The following CMPK2 variants were observed in gnomAD, a reference collection of about 807,000 sequenced individuals.
CMPK2 encodes UMP-CMP kinase 2, mitochondrial.
In CMPK2, 32 loss-of-function variants were observed where a neutral mutation model predicts 33.4. The observed-to-expected ratio is 0.96, with a 90% CI of 0.72 to 1.29. CMPK2 has a LOEUF of 1.29. Among genes scored for constraint, CMPK2 ranks in the 50% most tolerant of loss-of-function variants. The pLI, the probability that CMPK2 is intolerant of heterozygous loss-of-function variation, is 0.00. For missense variants in CMPK2, 672 were observed against 616.0 expected, an observed-to-expected ratio of 1.09 and a Z score of -0.96; for synonymous variants, 299 against 275.3, an observed-to-expected ratio of 1.09 and a Z score of -0.85.
At chr2:6,843,304 G>A (rs1169321303) in intron 3 of CMPK2, among the ~76,000 whole-genome samples, 3 of 152,172 alleles carry the variant, frequency 2.0e-5, no homozygotes, top group Non-Finnish European at 4.4e-5. Flanking sequence ...CAAACCACTG[G>A]ATGGATTGGA....
At chr2:6,863,248 C>T (rs1359007437) in intron 2 of CMPK2, among the ~76,000 whole-genome samples, 5 of 152,154 alleles carry the variant, frequency 3.3e-5, no homozygotes, top group Non-Finnish European at 7.4e-5. Context: ...CTGTGTTCCG[C>T]CAGAGCACTG....
intron 4 of CMPK2, among the ~76,000 whole-genome samples, 187 bp from the exon 5 acceptor site, chr2:6,850,160 T>C (rs768107038): frequency 7.2e-5 from 11 of 152,220 alleles, no homozygotes; most frequent in Non-Finnish European, 1.5e-4. Context: ...TGAATAATAA[T>C]GTTTAATAGC....
rs1032083814 is a variant in CMPK2, at chr2:6,851,660, T to C, written c.1016A>G (p.Tyr339Cys). 1.2e-6 allele frequency: 2 copies of C among 1,614,150 alleles called. No individual in the cohort carries two copies. Among genetic ancestry groups the C allele is most frequent in the Admixed American group, 1.7e-5 (1 of 60,030 alleles). Residue 339 changes from tyrosine (Y) to cysteine (C), a missense_variant, in exon 4 of 5, where the codon TAT becomes TGT. By Grantham distance (194) the Tyr-to-Cys change is radical. Coordinates refer to ENST00000256722, the MANE Select transcript of CMPK2 (RefSeq NM_207315.4). ...CCCACTCACCTCAGTGGCTATGGCA[T>C]AGGTGGCCGTGCTGTGCCAGTACCT... ...VDRYWHSTAT[Y>C]AIATEVSGGL...
At chr2:6,851,100 G>A (rs1427631764) in intron 4 of CMPK2, 1 of 1,121,618 alleles carries the variant, frequency 8.9e-7, no homozygotes, top group African/African-American at 1.6e-5. Flanking sequence ...CTAATAGGTA[G>A]ATGTTACTAT....
chr2:6,851,244 C>T (rs1217816401), intron 4 of CMPK2: 18 of 1,382,042 alleles, frequency 1.3e-5, no homozygotes, highest in Admixed American at 5.6e-5. Context: ...ATCCCTAGTC[C>T]GATGACCTTT....
In CMPK2 at chr2:6,865,180, ACAGCTGGCCGCG is replaced by A. The variant is rs1317591243; in HGVS notation, c.505_516del (p.Arg169_Leu172del). On this transcript the variant is annotated inframe_deletion, in exon 1 of 5. Coordinates refer to ENST00000256722, the MANE Select transcript of CMPK2 (RefSeq NM_207315.4). ...TCTTGCACCTCCCAGAGGCGCTGCC[ACAGCTGGCCGCG>A]CGGGTCGGCCTCGAACTCGCCCAAG... 1 of 1,534,796 alleles carries A rather than the reference ACAGCTGGCCGCG, an allele frequency of 6.5e-7. No individual in the cohort carries two copies. The highest frequency in any genetic ancestry group is 8.7e-7 in the Non-Finnish European group (1 of 1,143,476).
At chr2:6,866,128 G>GGA (rs1387021185), upstream of CMPK2, 2 of 217,508 alleles carry the variant, frequency 9.2e-6, no homozygotes, top group African/African-American at 4.7e-5. Context: ...CCGGGTGCAT[G>GGA]GAGGGGGGCG....
chr2:6,850,458 G>T (rs964700930), intron 4 of CMPK2, among the ~76,000 whole-genome samples: 2 of 152,268 alleles, frequency 1.3e-5, no homozygotes, highest in Admixed American at 6.5e-5. Flanking sequence ...GCCTTCATGT[G>T]TATACAGAGT....
intron 4 of CMPK2, chr2:6,851,058 C>G: frequency 7.5e-6 from 8 of 1,060,676 alleles, no homozygotes; most frequent in Non-Finnish European, 9.2e-6. Context: ...GATGACATAA[C>G]ATCAGTAAAA....
chr2:6,848,346 A>G lies in CMPK2; in HGVS notation c.*1504T>C. ...TAGTAAACCACAGCAAAGTTTATTCATGTGCCAGGGACATAAAGATACATT... is the reference window on the plus strand; with the variant it reads ...TAGTAAACCACAGCAAAGTTTATTCGTGTGCCAGGGACATAAAGATACATT... On this transcript the variant is annotated 3_prime_UTR_variant, in exon 5 of 5. Transcript: ENST00000256722. 3 of 985,108 alleles carry G rather than the reference A, an allele frequency of 3.0e-6. No individual in the cohort carries two copies. The highest frequency in any genetic ancestry group is 3.6e-6 in the Non-Finnish European group (3 of 829,598). The allele number at this position is 985,108 out of a possible 1,614,324, so 61.0% of individuals were successfully genotyped here.
In CMPK2 at chr2:6,861,224, T is replaced by C; in HGVS notation, c.952A>G (p.Ile318Val). ...GGAGATTTGGCAGATTCTTTAGCTA[T>C]TTCGGAGGCCACAATATAATTGCCC... The part of the protein sequence containing the change: ...SLGNYIVASE[I>V]AKESAKSPVI... Residue 318 changes from isoleucine to valine, a missense_variant, in exon 3 of 5, where the codon ATA (isoleucine) becomes GTA (valine). Transcript: ENST00000256722. 5.0e-6 allele frequency: 8 copies of C among 1,614,170 alleles called. No homozygotes were observed. Among genetic ancestry groups the C allele is most frequent in the Non-Finnish European group, 6.8e-6 (8 of 1,180,024 alleles).
chr2:6,865,498 C>T lies in CMPK2; in HGVS notation c.199G>A (p.Gly67Arg). 1.6e-6 allele frequency: 2 copies of T among 1,270,324 alleles called. No homozygotes were observed. The highest frequency in any genetic ancestry group is 3.3e-5 in the East Asian group (1 of 30,682). The allele number at this position is 1,270,324 out of a possible 1,614,324, so 78.7% of individuals were successfully genotyped here. Residue 67 changes from glycine (G) to arginine (R), a missense_variant, in exon 1 of 5, where the codon GGG becomes AGG. By Grantham distance (125) the Gly-to-Arg change is moderately radical (BLOSUM62 -2). Coordinates refer to ENST00000256722, the MANE Select transcript of CMPK2 (RefSeq NM_207315.4). ...APDPRLAALL[G>R]PPERSYSLCV... ...AGCGAGTAGCTGCGCTCCGGGGGCC[C>T]CAGCAGCGCCGCCAGGCGGGGGTCG... is the stretch of plus-strand genomic sequence containing the variant.
At position 6,861,315 on chromosome 2, in the gene CMPK2, G is replaced by A. The variant is rs369758344; in HGVS notation, c.861C>T (p.Cys287=). ...KAVLLKSPPS[C]IGQWRKIFDD... is the part of the protein sequence containing the mutation. Reference sequence around the variant, plus strand: ...CAAAGATCTTCCTCCACTGGCCAATGCAAGAGGGTGGTGACTTTAAGAGGA... The same window carrying A: ...CAAAGATCTTCCTCCACTGGCCAATACAAGAGGGTGGTGACTTTAAGAGGA... The change falls in exon 3 of 5, where the codon TGC becomes TGT. Residue 287 remains cysteine, a synonymous_variant. Coordinates refer to ENST00000256722, the MANE Select transcript of CMPK2 (RefSeq NM_207315.4). 7.4e-6 allele frequency: 12 copies of A among 1,614,022 alleles called. No homozygotes were observed. Among genetic ancestry groups the A allele is most frequent in the Non-Finnish European group, 1.0e-5 (12 of 1,180,016 alleles).
chr2:6,848,842 G>C lies in CMPK2; in HGVS notation c.*1008C>G. On this transcript the variant is annotated 3_prime_UTR_variant, in exon 5 of 5. Transcript: ENST00000256722. ...TCAAAGCGATTTCATATGTAATCAT[G>C]AGACATTCAAGTGCAAGATAATTTA... is the stretch of plus-strand genomic sequence containing the variant. The C allele has an allele frequency of 1.0e-6, 1 of 985,784 alleles. No individual in the cohort carries two copies. Among genetic ancestry groups the C allele is most frequent in the Non-Finnish European group, 1.2e-6 (1 of 829,898 alleles). The allele number at this position is 985,784 out of a possible 1,614,324, so 61.1% of individuals were successfully genotyped here.
At chr2:6,854,227 T>C (rs1462986671) in intron 3 of CMPK2, among the ~76,000 whole-genome samples, 1 of 152,218 alleles carries the variant, frequency 6.6e-6, no homozygotes, top group Non-Finnish European at 1.5e-5. Flanking sequence ...AATACCTACC[T>C]ATGAATATAG....
chr2:6,855,759 C>T (rs539969367), intron 3 of CMPK2, among the ~76,000 whole-genome samples: 94 of 152,290 alleles, frequency 6.2e-4, no homozygotes, highest in African/African-American at 2.2e-3. Context: ...GCAGCCACAG[C>T]CTTCTAGCTG....
At chr2:6,859,630 A>G (rs1662815058) in intron 3 of CMPK2, among the ~76,000 whole-genome samples, 1 of 152,234 alleles carries the variant, frequency 6.6e-6, no homozygotes, top group African/African-American at 2.4e-5. Flanking sequence ...ACAGGTACAC[A>G]GAAGTCAAGA....
intron 3 of CMPK2, among the ~76,000 whole-genome samples, chr2:6,852,393 A>G (rs567165699): frequency 6.6e-6 from 1 of 152,324 alleles, no homozygotes; most frequent in South Asian, 2.1e-4. Context: ...ACCTACAGGA[A>G]ATGCTTGGTC....
chr2:6,855,342 CCTCT>C lies in CMPK2; in HGVS notation c.993-3663_993-3660del, dbSNP rs772703913. Among the ~76,000 whole-genome samples, 466 of 147,326 alleles carry C rather than the reference CCTCT, an allele frequency of 3.2e-3. 2 individuals carry two copies. The highest frequency in any genetic ancestry group is 0.025 in the Middle Eastern group (7 of 280). The stretch of plus-strand genomic sequence containing the variant: ...GCCTCTGCCCCTGCCCCTGCCCCTG[CCTCT>C]CTCTCTCTCTCTCCTGTTGCCATTG... On this transcript the variant is annotated intron_variant, in intron 3 of 4. Coordinates refer to ENST00000256722, the MANE Select transcript of CMPK2 (RefSeq NM_207315.4).
Sources: gnomAD v4.1 joint callset for allele counts (sites outside exome capture counted in the v4.1 genomes callset) on GRCh38, gnomAD v4.1.1 for gene constraint, MANE v1.5 for transcripts, NCBI Gene and HGNC (gene_info 2026-07-23, HGNC 2026-07-21) for gene names.